The following PGM5 variants were observed in gnomAD, a reference collection of about 807,000 sequenced individuals.
PGM5 encodes phosphoglucomutase 5.
Under a neutral mutation model 59.2 loss-of-function variants are expected in PGM5, and 23 were observed. The observed-to-expected ratio is 0.39, with a 90% CI of 0.28 to 0.55. The LOEUF is 0.55. PGM5 is among the 20% of genes least tolerant of loss of function. The probability of loss-of-function intolerance (pLI) is 0.66; values close to 1 mark genes in which losing one functional copy is unlikely to be tolerated. For synonymous variants in PGM5, 214 were observed against 286.0 expected (o/e 0.75, Z 2.54); for missense variants, 574 against 748.3 (o/e 0.77, Z 2.72).
intron 6 of PGM5, among the ~76,000 whole-genome samples, chr9:68,438,486 G>A (rs1214167687): frequency 1.3e-5 from 2 of 151,982 alleles, no homozygotes; most frequent in African/African-American, 4.8e-5. Context: ...GTGGAGTCAG[G>A]GAATCTGAAT....
chr9:68,390,418 G>A (rs1216287053), intron 4 of PGM5, among the ~76,000 whole-genome samples: 2 of 152,144 alleles, frequency 1.3e-5, no homozygotes, highest in African/African-American at 2.4e-5. Context: ...GCAGACATAG[G>A]TCACCTCCTT....
intron 1 of PGM5, among the ~76,000 whole-genome samples, chr9:68,377,551 G>C (rs2131992022): frequency 6.6e-6 from 1 of 152,322 alleles, no homozygotes; most frequent in East Asian, 1.9e-4. Flanking sequence ...TTTTTAGAAA[G>C]TCAGTTTTGT....
chr9:68,367,585 G>T (rs1258050767), intron 1 of PGM5, among the ~76,000 whole-genome samples: 1 of 152,112 alleles, frequency 6.6e-6, no homozygotes, highest in Non-Finnish European at 1.5e-5. Context: ...TCTTTTTTTG[G>T]ACAGGATCTC....
At chr9:68,446,498 T>C (rs1554684009) in intron 6 of PGM5, among the ~76,000 whole-genome samples, 1 of 152,230 alleles carries the variant, frequency 6.6e-6, no homozygotes, top group African/African-American at 2.4e-5. Context: ...TTTCTTTCTG[T>C]GTTCTGTTTA....
chr9:68,378,465 C>A lies in PGM5; in HGVS notation c.424+104C>A, dbSNP rs1244622227. ...TGATAGACAAGCAAGGTGCAGAGGA[C>A]CTAGCTCAGAAAAATTCAGTGAGGT... On this transcript the variant is annotated intron_variant, in intron 2 of 10. Transcript: ENST00000396396. 5 of 1,383,318 alleles carry A rather than the reference C, an allele frequency of 3.6e-6. No individual in the cohort carries two copies. The African/African-American group carries it at 5.9e-5, about 16-fold the overall frequency. 85.7% of individuals were successfully genotyped at this position (1,383,318 alleles called of 1,614,324 possible). A position where few individuals can be genotyped will look rare whatever the true frequency, so the allele number is the denominator to read the frequency against.
intron 9 of PGM5, chr9:68,498,023 A>G (rs1319975951): frequency 6.6e-6 from 1 of 152,288 alleles, no homozygotes; most frequent in Non-Finnish European, 1.5e-5. Context: ...TGGTCAGGCC[A>G]AAAAAGAAGT....
rs1345164046 is a variant in PGM5, at chr9:68,367,400, G to C, written c.261+10012G>C. Among the ~76,000 whole-genome samples the C allele has an allele frequency of 3.1e-4, 47 of 152,184 alleles. 2 individuals are homozygous for C. The highest frequency in any genetic ancestry group is 3.0e-3 in the Admixed American group (46 of 15,284). On this transcript the variant is annotated intron_variant, in intron 1 of 10. Transcript: ENST00000396396. ...AAATCGAATGGACTGGGCCATGTGA[G>C]AGATTACTGAAAGGAACAGACCAAG...
intron 6 of PGM5, among the ~76,000 whole-genome samples, chr9:68,428,112 G>C (rs782240937): frequency 5.9e-5 from 9 of 152,142 alleles, no homozygotes; most frequent in Non-Finnish European, 1.0e-4. Context: ...GTTCAGTTTA[G>C]AACAAATAAA....
At chr9:68,435,941 G>A (rs914957808) in intron 6 of PGM5, among the ~76,000 whole-genome samples, 2 of 152,144 alleles carry the variant, frequency 1.3e-5, no homozygotes, top group South Asian at 4.1e-4. Flanking sequence ...TTAGTAACTT[G>A]GTGAACTTTT....
chr9:68,511,360 T>C (rs1179678034), intron 10 of PGM5, among the ~76,000 whole-genome samples: 2 of 152,140 alleles, frequency 1.3e-5, no homozygotes, highest in Non-Finnish European at 2.9e-5. Context: ...TATTGAGGCA[T>C]ATGCTACGCC....
At chr9:68,492,980 C>G (rs1554687962) in intron 9 of PGM5, among the ~76,000 whole-genome samples, 1 of 152,172 alleles carries the variant, frequency 6.6e-6, no homozygotes, top group African/African-American at 2.4e-5. Flanking sequence ...CTCGCAGAGT[C>G]TCTCTCTTCC....
At chr9:68,484,104 G>A (rs1472608133) in intron 9 of PGM5, 56 bp downstream of exon 9, 2 of 1,477,638 alleles carry the variant, frequency 1.4e-6, no homozygotes, top group Admixed American at 3.4e-5. Context: ...TGGCCAAAAT[G>A]TCCTAGAACT....
chr9:68,523,339 G>A (rs1824925836), intron 10 of PGM5, among the ~76,000 whole-genome samples: 1 of 152,196 alleles, frequency 6.6e-6, no homozygotes, highest in Non-Finnish European at 1.5e-5. Flanking sequence ...TGTTGGAAAT[G>A]TCAGTTCTTG....
intron 9 of PGM5, among the ~76,000 whole-genome samples, chr9:68,489,510 G>T (rs1487433798): frequency 6.8e-6 from 1 of 148,130 alleles, no homozygotes; most frequent in Non-Finnish European, 1.5e-5. Flanking sequence ...CTGTCGCCCA[G>T]GCTGGAGTGC....
At chr9:68,413,789 T>G (rs1822976599) in intron 6 of PGM5, among the ~76,000 whole-genome samples, 1 of 152,224 alleles carries the variant, frequency 6.6e-6, no homozygotes, top group South Asian at 2.1e-4. Flanking sequence ...ACTCATCTCT[T>G]AACAAAACAA....
At chr9:68,428,913 A>T (rs1166104130) in intron 6 of PGM5, 9 of 152,214 alleles carry the variant, frequency 5.9e-5, no homozygotes, top group African/African-American at 2.2e-4. Flanking sequence ...TGGGGAGGTG[A>T]TATCAATTAT....
Position 68,402,735 on chromosome 9 carries a change from T to C in PGM5, c.1043+10262T>C, listed in dbSNP as rs558724841. 3.1e-3 allele frequency among the ~76,000 whole-genome samples: 466 copies of C among 152,284 alleles called. 4 individuals carry two copies. Among genetic ancestry groups the C allele is most frequent in the African/African-American group, 9.8e-3 (407 of 41,548 alleles). On this transcript the variant is annotated intron_variant, in intron 6 of 10. Coordinates refer to ENST00000396396, the MANE Select transcript of PGM5 (RefSeq NM_021965.4). ...CAGAGAAGTTTGGTGCTTGACAACG[T>C]TTTAAAATGAAGGAGGATAATGTTA...
chr9:68,529,681 G>T lies in PGM5; in HGVS notation c.*25G>T. 1.4e-6 allele frequency: 2 copies of T among 1,432,628 alleles called. No individual in the cohort carries two copies. The highest frequency in any genetic ancestry group is 1.9e-5 in the Admixed American group (1 of 51,364). 88.7% of individuals were successfully genotyped at this position (1,432,628 alleles called of 1,614,324 possible). A position where few individuals can be genotyped will look rare whatever the true frequency, so the allele number is the denominator to read the frequency against. On this transcript the variant is annotated 3_prime_UTR_variant, in exon 11 of 11. Coordinates refer to ENST00000396396, the MANE Select transcript of PGM5 (RefSeq NM_021965.4). ...AATAGAGGAAAGATCACTCACCAGG[G>T]CCAAAGAGAGTGCTCAGCGGGAGAT...
At chr9:68,369,938 T>C (rs1490719364) in intron 1 of PGM5, among the ~76,000 whole-genome samples, 3 of 152,188 alleles carry the variant, frequency 2.0e-5, no homozygotes, top group Admixed American at 2.0e-4. Context: ...TTCTTGAAAT[T>C]GCCCTTATCC....
Sources: allele counts gnomAD v4.1 joint callset (sites outside exome capture counted in the v4.1 genomes callset), GRCh38; gene constraint gnomAD v4.1.1; transcripts MANE v1.5; gene names NCBI Gene and HGNC (gene_info 2026-07-23, HGNC 2026-07-21).